Variants in TCF12 observed in about 807,000 individuals in gnomAD.
TCF12 encodes the protein DNA-binding protein HTF4.
Under a neutral mutation model 86.0 loss-of-function variants are expected in TCF12, and 45 were observed. The ratio of observed to expected loss-of-function variants is 0.52; its 90% CI spans 0.41 to 0.67. The LOEUF (loss-of-function observed/expected upper bound fraction) is 0.67, where lower values mean the gene tolerates loss of function less well. Among genes scored for constraint, TCF12 ranks in the 30% least tolerant of loss-of-function variants. The pLI is 0.00. For synonymous variants in TCF12, 330 were observed against 299.6 expected (o/e 1.10, Z -1.05); for missense variants, 881 against 859.9 (o/e 1.02, Z -0.31).
intron 3 of TCF12, among the ~76,000 whole-genome samples, chr15:57,047,089 G>A (rs1284467127): frequency 6.6e-6 from 1 of 152,138 alleles, no homozygotes. Flanking sequence ...TTCAGCTAAA[G>A]GACACAGAGC....
At chr15:57,126,281 A>G (rs370930292) in intron 5 of TCF12, among the ~76,000 whole-genome samples, 4 of 152,292 alleles carry the variant, frequency 2.6e-5, no homozygotes, top group African/African-American at 2.4e-5. Flanking sequence ...TGAGACCTCA[A>G]CAGTCCATAG....
intron 4 of TCF12, among the ~76,000 whole-genome samples, chr15:57,067,214 G>C (rs1272577697): frequency 6.6e-6 from 1 of 152,136 alleles, no homozygotes; most frequent in African/African-American, 2.4e-5. Flanking sequence ...AAGAGGTTTC[G>C]CTAGGTTGAC....
chr15:57,253,179 T>C (rs1301622280), intron 15 of TCF12, 83 bp from the exon 16 acceptor site: 1 of 1,457,668 alleles, frequency 6.9e-7, no homozygotes, highest in Non-Finnish European at 9.5e-7. Flanking sequence ...ATCTTCCACA[T>C]ATCACATAGT....
Position 57,252,470 on chromosome 15 carries a change from CCTT to C in TCF12, c.1242_1244del (p.Phe414del), listed in dbSNP as rs1348063287. 1.2e-6 allele frequency: 2 copies of C among 1,613,718 alleles called. No homozygotes were observed. Among genetic ancestry groups the C allele is most frequent in the Non-Finnish European group, 8.5e-7 (1 of 1,179,866 alleles). ...CACGAGCATTTGCAAGATGCAATGT[CCTT>C]CTTAAAGGATGTCTGTGAGGTACTA... is the stretch of plus-strand genomic sequence containing the variant. On this transcript the variant is annotated inframe_deletion, in exon 15 of 21. Transcript: ENST00000333725.
intron 8 of TCF12, among the ~76,000 whole-genome samples, chr15:57,208,988 T>C (rs2057988571): frequency 6.6e-6 from 1 of 152,216 alleles, no homozygotes; most frequent in Admixed American, 6.5e-5. Context: ...AGTGCTGGGA[T>C]TACAGGTGTG....
At chr15:57,151,255 A>G (rs1014996226) in intron 5 of TCF12, among the ~76,000 whole-genome samples, 11 of 150,254 alleles carry the variant, frequency 7.3e-5, no homozygotes, top group Admixed American at 3.4e-4. Context: ...TGCTGGGATT[A>G]TATGTGTGAG....
chr15:57,227,937 C>G (rs2058964086), intron 8 of TCF12, among the ~76,000 whole-genome samples: 2 of 152,004 alleles, frequency 1.3e-5, no homozygotes, highest in Admixed American at 6.6e-5. Context: ...ATATTCCTTT[C>G]TCTTAATTTT....
At position 57,282,496 on chromosome 15, in the gene TCF12, A is replaced by G; in HGVS notation, c.2030A>G (p.Lys677Arg). Residue 677 changes from lysine (K) to arginine (R), a missense_variant, in exon 20 of 21, where the codon AAA (lysine) becomes AGA (arginine). Physicochemically the swap from Lys to Arg is conservative, Grantham distance 26 (BLOSUM62 2). Around this residue, in one of 3 missense-constraint regions of TCF12, gnomAD observed 69 missense variants for 64.2 expected, o/e 1.07. Transcript: ENST00000333725. ...TGCCTTAAGAGAAGGGAAGAAGAAA[A>G]AGTTTCTGCCGTATCGGCAGAGCCG... is the stretch of plus-strand genomic sequence containing the variant. ...AACLKRREEE[K>R]VSAVSAEPPT... is the part of the protein sequence containing the mutation. The G allele has an allele frequency of 1.9e-6, 3 of 1,614,236 alleles. No individual in the cohort carries two copies. Among genetic ancestry groups the G allele is most frequent in the Non-Finnish European group, 2.5e-6 (3 of 1,180,038 alleles).
intron 4 of TCF12, among the ~76,000 whole-genome samples, chr15:57,067,344 T>C (rs918548355): frequency 5.9e-5 from 9 of 151,382 alleles, no homozygotes; most frequent in African/African-American, 2.2e-4. Flanking sequence ...ATCGAGACCA[T>C]CCCGGCTAAA....
intron 6 of TCF12, among the ~76,000 whole-genome samples, chr15:57,180,610 C>G (rs1204130726): frequency 6.6e-6 from 1 of 151,732 alleles, no homozygotes; most frequent in Admixed American, 6.6e-5. Context: ...CTGCATACCA[C>G]TTCAGGGGTG....
intron 3 of TCF12, among the ~76,000 whole-genome samples, chr15:57,007,723 A>C (rs1291311087): frequency 6.6e-6 from 1 of 151,016 alleles, no homozygotes; most frequent in Non-Finnish European, 1.5e-5. Context: ...CCTTCTGAAA[A>C]CTCAAGGAAA....
At chr15:57,063,052 A>G (rs1261844293) in intron 3 of TCF12, among the ~76,000 whole-genome samples, 2 of 152,206 alleles carry the variant, frequency 1.3e-5, no homozygotes, top group South Asian at 2.1e-4. Context: ...AGGATGCACA[A>G]TAAATTGTTT....
intron 8 of TCF12, chr15:57,214,484 A>G (rs1325802539): frequency 3.3e-5 from 5 of 152,208 alleles, no homozygotes; most frequent in Non-Finnish European, 7.3e-5. Context: ...TGCAGTTTAC[A>G]GAGGTGATTG....
intron 8 of TCF12, among the ~76,000 whole-genome samples, chr15:57,203,388 G>T (rs531438672): frequency 6.6e-6 from 1 of 152,032 alleles, no homozygotes; most frequent in East Asian, 1.9e-4. Context: ...TCCAAACATA[G>T]ATCATTTTCT....
chr15:57,136,839 A>G (rs1403609235), intron 5 of TCF12, among the ~76,000 whole-genome samples: 2 of 151,790 alleles, frequency 1.3e-5, no homozygotes, highest in Non-Finnish European at 2.9e-5. Flanking sequence ...ATTTTTATAG[A>G]GACAATTTCC....
At chr15:57,083,356 A>AT (rs1340361522) in intron 4 of TCF12, among the ~76,000 whole-genome samples, 2 of 151,876 alleles carry the variant, frequency 1.3e-5, no homozygotes, top group Admixed American at 6.6e-5. Flanking sequence ...ATAAAAAGAG[A>AT]TTTTTTTCCT....
intron 8 of TCF12, among the ~76,000 whole-genome samples, chr15:57,206,128 TG>T (rs1186749871): frequency 1.3e-5 from 2 of 152,228 alleles, no homozygotes; most frequent in African/African-American, 4.8e-5. Context: ...AAAGGCTATA[TG>T]GTTGAATTAT....
At chr15:57,125,269 C>CCAGAGG (rs1369361982) in intron 5 of TCF12, among the ~76,000 whole-genome samples, 1 of 152,128 alleles carries the variant, frequency 6.6e-6, no homozygotes, top group Non-Finnish European at 1.5e-5. Flanking sequence ...TCTCCTTTAT[C>CCAGAGG]CAGTGGTAAG....
intron 12 of TCF12, among the ~76,000 whole-genome samples, chr15:57,242,482 C>T (rs1307487644): frequency 2.0e-5 from 3 of 152,018 alleles, no homozygotes; most frequent in Admixed American, 2.0e-4. Context: ...TGAGGTCAAC[C>T]TGACCAACAT....
Sources: gnomAD v4.1 joint callset for allele counts (sites outside exome capture counted in the v4.1 genomes callset) on GRCh38, gnomAD v4.1.1 for gene constraint, gnomAD v4.1.1 regional missense constraint, MANE v1.5 for transcripts, NCBI Gene and HGNC (gene_info 2026-07-23, HGNC 2026-07-21) for gene names.